The following PAK3 variants were observed in gnomAD, a reference collection of about 807,000 sequenced individuals.
PAK3 encodes the protein p21 (RAC1) activated kinase 3.
In PAK3, 4 loss-of-function variants were observed where a neutral mutation model predicts 41.0. That is an observed-to-expected ratio of 0.10 (90% CI 0.05 to 0.22). PAK3 has a LOEUF of 0.22. PAK3 is among the 10% of genes least tolerant of loss of function. The pLI, the probability that PAK3 is intolerant of heterozygous loss-of-function variation, is 1.00. For missense variants in PAK3, 205 were observed against 409.9 expected (o/e 0.50, Z 4.32); for synonymous variants, 146 against 139.6 (o/e 1.05, Z -0.32).
intron 16 of PAK3, among the ~76,000 whole-genome samples, chrX:111,198,691 AT>A (rs756380641): frequency 1.0e-4 from 11 of 105,056 alleles, no homozygotes; most frequent in East Asian, 3.0e-4. Context: ...CTATGTGTCT[AT>A]TTTTTTTTTA....
chrX:111,055,403 C>A (rs2092596396), intron 1 of PAK3, among the ~76,000 whole-genome samples: 1 of 112,272 alleles, frequency 8.9e-6, no homozygotes, highest in Non-Finnish European at 1.9e-5. Flanking sequence ...CTGAGACAAC[C>A]AACCTATGAC....
rs539569156 is a variant in PAK3 at position 111,046,782 on chromosome X, C to T, written c.-27-76295C>T. Among the ~76,000 whole-genome samples, 27 of 112,266 alleles carry T rather than the reference C, an allele frequency of 2.4e-4. No individual in the cohort carries two copies. The South Asian group carries it at 9.4e-3, about 39-fold the overall frequency. ...GCACATGATAAATGCTGCATAAGAA[C>T]TGTTTATTATTACAAATAATAGATA... On this transcript the variant is annotated intron_variant, in intron 1 of 14. Transcript: ENST00000425146.
At position 111,220,963 on chromosome X, in the gene PAK3, CAAACAAAAACAAAAACA is replaced by C. The variant is rs2094925066; in HGVS notation, c.*529_*545del. On this transcript the variant is annotated 3_prime_UTR_variant, in exon 18 of 18. Coordinates refer to ENST00000372007, the MANE Select transcript of PAK3 (RefSeq NM_002578.5). ...AGCAAGGCAAAAAAAAAAAAAAAAA[CAAACAAAAACAAAAACA>C]AAACAAAAACAAGCAAACAAAAAAT... The C allele has an allele frequency of 7.3e-5, 4 of 54,509 alleles. No individual in the cohort carries two copies. In the South Asian group the frequency reaches 2.7e-3, roughly 36 times the overall value. The allele number at this position is 54,509 out of a possible 1,213,427, so 4.5% of individuals were successfully genotyped here.
intron 5 of PAK3, among the ~76,000 whole-genome samples, chrX:111,132,974 C>G (rs1321375908): frequency 1.8e-5 from 2 of 111,104 alleles, no homozygotes; most frequent in Non-Finnish European, 3.8e-5. Context: ...AGGTCCTCCC[C>G]ATTCCACTCC....
chrX:111,119,622 C>T (rs1387866461), intron 4 of PAK3, among the ~76,000 whole-genome samples: 1 of 112,176 alleles, frequency 8.9e-6, no homozygotes, highest in Admixed American at 9.4e-5. Context: ...ACATCATAGG[C>T]AGATTGAACC....
At chrX:111,194,525 T>C (rs762577145) in intron 14 of PAK3, 107 bp downstream of exon 14, 162 of 583,661 alleles carry the variant, frequency 2.8e-4, no homozygotes, top group Non-Finnish European at 4.0e-4. Flanking sequence ...AGTAGAACTT[T>C]TCCACTGAAA....
intron 4 of PAK3, among the ~76,000 whole-genome samples, chrX:111,118,458 A>G (rs969179537): frequency 1.8e-5 from 2 of 110,831 alleles, no homozygotes; most frequent in African/African-American, 3.3e-5. Flanking sequence ...ATTCAGATAT[A>G]TATATATATG....
rs1158721988 is a variant in PAK3 at position 110,998,180 on chromosome X, A to G, written c.-28+53552A>G. Among the ~76,000 whole-genome samples, 3 of 111,849 alleles carry G rather than the reference A, an allele frequency of 2.7e-5. No homozygotes were observed. The East Asian group carries it at 8.5e-4, about 32-fold the overall frequency. On this transcript the variant is annotated intron_variant, in intron 1 of 14. Transcript: ENST00000425146. ...TTGGGAGTCATAAGACTGAATGATC[A>G]CTTAGAGAATAAGTTCAGGTAGAAA...
intron 1 of PAK3, among the ~76,000 whole-genome samples, chrX:111,054,040 C>T (rs1307449384): frequency 8.9e-6 from 1 of 112,054 alleles, no homozygotes; most frequent in Non-Finnish European, 1.9e-5. Flanking sequence ...GTGAGGCAAC[C>T]CTTGTGCAGA....
At chrX:111,114,975 C>T (rs2093436793) in intron 4 of PAK3, among the ~76,000 whole-genome samples, 1 of 112,069 alleles carries the variant, frequency 8.9e-6, no homozygotes, top group South Asian at 3.7e-4. Flanking sequence ...TCCCAAAATA[C>T]CCTAACTTCC....
chrX:111,142,292 C>A, intron 6 of PAK3, 96 bp downstream of exon 6: 1 of 586,447 alleles, frequency 1.7e-6, no homozygotes, highest in Non-Finnish European at 3.0e-6. Flanking sequence ...AAATGTCAGA[C>A]TTAATATTTT....
At chrX:110,970,484 A>AACTAAC (rs1412148632) in intron 1 of PAK3, among the ~76,000 whole-genome samples, 1 of 111,485 alleles carries the variant, frequency 9.0e-6, no homozygotes, top group Non-Finnish European at 1.9e-5. Context: ...ATCCTCAGCA[A>AACTAAC]ACTAACAGAG....
intron 7 of PAK3, among the ~76,000 whole-genome samples, chrX:111,149,930 G>A (rs973323109): frequency 2.7e-5 from 3 of 112,071 alleles, no homozygotes; most frequent in East Asian, 2.8e-4. Context: ...ATTTTCTATC[G>A]CATAGTCAGG....
At chrX:111,048,143 C>T (rs1316790354) in intron 1 of PAK3, among the ~76,000 whole-genome samples, 1 of 111,037 alleles carries the variant, frequency 9.0e-6, no homozygotes, top group Non-Finnish European at 1.9e-5. Context: ...TCCAACAGTC[C>T]TTTTTCTGCA....
At chrX:111,186,453 A>G in intron 11 of PAK3, among the ~76,000 whole-genome samples, 1 of 111,952 alleles carries the variant, frequency 8.9e-6, no homozygotes, top group East Asian at 2.8e-4. Flanking sequence ...GTCTCAGGAT[A>G]CAAAATCAAT....
Position 111,050,743 on chromosome X carries a change from G to A in PAK3, c.-27-72334G>A, listed in dbSNP as rs193077322. ...CTTGAACCCTTGGTGGGAGCCAAAA[G>A]CCTATCAGAGACTGATTGTTCTGCT... On this transcript the variant is annotated intron_variant, in intron 1 of 14. Transcript: ENST00000425146. Among the ~76,000 whole-genome samples the A allele has an allele frequency of 1.4e-3, 163 of 112,433 alleles. 3 individuals are homozygous for A. In the East Asian group the frequency reaches 0.035, roughly 24 times the overall value.
intron 1 of PAK3, among the ~76,000 whole-genome samples, chrX:111,028,975 A>T (rs1457939386): frequency 9.5e-6 from 1 of 105,666 alleles, no homozygotes; most frequent in African/African-American, 3.4e-5. Context: ...TCTACAATTT[A>T]AAAAAAAAAA....
intron 11 of PAK3, among the ~76,000 whole-genome samples, chrX:111,174,571 T>C (rs1262143094): frequency 8.9e-6 from 1 of 112,035 alleles, no homozygotes; most frequent in Non-Finnish European, 1.9e-5. Context: ...AAAACAGTGA[T>C]AAACAACAGA....
intron 7 of PAK3, among the ~76,000 whole-genome samples, chrX:111,149,387 G>A (rs756493689): frequency 3.6e-5 from 4 of 111,970 alleles, no homozygotes; most frequent in Non-Finnish European, 7.5e-5. Context: ...AGCTCCACTA[G>A]GCAGTGCCCT....
Sources: gnomAD v4.1 joint callset for allele counts (sites outside exome capture counted in the v4.1 genomes callset) on GRCh38, gnomAD v4.1.1 for gene constraint, MANE v1.5 for transcripts, NCBI Gene and HGNC (gene_info 2026-07-23, HGNC 2026-07-21) for gene names.